LPAR6: variants seen among roughly 807,000 people sequenced by gnomAD.
The protein encoded by LPAR6 is lysophosphatidic acid receptor 6.
In LPAR6, 17 loss-of-function variants were observed where a neutral mutation model predicts 22.0. The ratio of observed to expected loss-of-function variants is 0.77; its 90% CI spans 0.53 to 1.16. The LOEUF (loss-of-function observed/expected upper bound fraction) is 1.16. LPAR6 is among the 50% of genes most tolerant of loss of function. The pLI is 0.00. For synonymous variants in LPAR6, 136 were observed against 139.8 expected (o/e 0.97, Z 0.19); for missense variants, 384 against 406.9 (o/e 0.94, Z 0.48).
intron 1 of LPAR6, among the ~76,000 whole-genome samples, chr13:48,405,550 G>T (rs75007355): frequency 1.3e-5 from 2 of 152,064 alleles, no homozygotes; most frequent in African/African-American, 4.8e-5. Flanking sequence ...TAACACAGCC[G>T]CTTTATTCAT....
intron 1 of LPAR6, among the ~76,000 whole-genome samples, chr13:48,404,599 T>G (rs951334095): frequency 6.6e-6 from 1 of 152,046 alleles, no homozygotes. Context: ...TGATCTCCGC[T>G]CACTGCAACC....
intron 1 of LPAR6, among the ~76,000 whole-genome samples, chr13:48,425,770 A>C (rs1044608477): frequency 6.6e-6 from 1 of 152,222 alleles, no homozygotes; most frequent in East Asian, 1.9e-4. Flanking sequence ...GTATTAAATT[A>C]GACCTATAGA....
intron 1 of LPAR6, among the ~76,000 whole-genome samples, chr13:48,400,940 G>A (rs1948686483): frequency 1.3e-5 from 2 of 151,984 alleles, no homozygotes. Context: ...CTTCTCTTGA[G>A]GCACCCCTCC....
chr13:48,392,635 A>G (rs1438731240), intron 1 of LPAR6, among the ~76,000 whole-genome samples: 1 of 151,710 alleles, frequency 6.6e-6, no homozygotes, highest in Non-Finnish European at 1.5e-5. Flanking sequence ...TATTATGTTT[A>G]TGCTTTTCTT....
At position 48,422,003 on chromosome 13, in the gene LPAR6, A is replaced by C. The variant is rs192687769; in HGVS notation, c.-954+647T>G. Among the ~76,000 whole-genome samples the C allele has an allele frequency of 7.9e-3, 1,197 of 152,322 alleles. 21 individuals carry two copies. Among genetic ancestry groups the C allele is most frequent in the Non-Finnish European group, 6.4e-3 (434 of 68,028 alleles). ...AACCAGAAATACCATTTGACCCAGC[A>C]AGCCCATTACTGGGTATATACCCAA... On this transcript the variant is annotated intron_variant, in intron 2 of 4. Coordinates refer to the LPAR6 transcript ENST00000345941.
chr13:48,431,782 A>G (rs1364910971), upstream of LPAR6, among the ~76,000 whole-genome samples: 1 of 152,210 alleles, frequency 6.6e-6, no homozygotes, highest in Non-Finnish European at 1.5e-5. Flanking sequence ...AACCTAACCG[A>G]AAAAGATTGC....
chr13:48,419,916 A>G lies in LPAR6; in HGVS notation c.-953-2596T>C, dbSNP rs967225263. Among the ~76,000 whole-genome samples the G allele has an allele frequency of 2.0e-5, 3 of 152,236 alleles. No homozygotes were observed. The South Asian group carries it at 6.2e-4, about 32-fold the overall frequency. ...AATTAATAGCGTACCAACCAAAAAAATCCCAGGAGCAGATGGATTCACAGC... is the reference window on the plus strand; with the variant it reads ...AATTAATAGCGTACCAACCAAAAAAGTCCCAGGAGCAGATGGATTCACAGC... On this transcript the variant is annotated intron_variant, in intron 2 of 4. Coordinates refer to the LPAR6 transcript ENST00000345941.
chr13:48,444,264 C>G (rs532448612), intron 1 of LPAR6, among the ~76,000 whole-genome samples: 1 of 152,164 alleles, frequency 6.6e-6, no homozygotes, highest in South Asian at 2.1e-4. Flanking sequence ...AGCCTGTAAT[C>G]CCAGCACTTT....
At chr13:48,436,021 A>C (rs1949179877) in intron 1 of LPAR6, among the ~76,000 whole-genome samples, 1 of 152,176 alleles carries the variant, frequency 6.6e-6, no homozygotes, top group Non-Finnish European at 1.5e-5. Context: ...ATCTATTGTA[A>C]ATATAAAGAC....
chr13:48,435,398 C>T lies in LPAR6; in HGVS notation c.-1474+9155G>A, dbSNP rs571405271. 5.3e-5 allele frequency among the ~76,000 whole-genome samples: 8 copies of T among 152,194 alleles called. No homozygotes were observed. In the East Asian group the frequency reaches 1.5e-3, roughly 29 times the overall value. The stretch of plus-strand genomic sequence containing the variant: ...TGAAATTTCTCTTCATGTCTTTGCT[C>T]ATTTTCTGATTGGATTGTTTGTTTT... On this transcript the variant is annotated intron_variant, in intron 1 of 6. Coordinates refer to the LPAR6 transcript ENST00000378434.
chr13:48,442,211 T>A (rs4151576), intron 1 of LPAR6, among the ~76,000 whole-genome samples: 4,006 of 152,204 alleles, frequency 0.026, 184 homozygotes, highest in African/African-American at 0.089. Flanking sequence ...ATTTTATTTT[T>A]TTTTTTTGAA....
chr13:48,416,309 T>A (rs910614015), upstream of LPAR6: 12 of 152,262 alleles, frequency 7.9e-5, no homozygotes, highest in African/African-American at 2.9e-4. Flanking sequence ...GGGCATCGCC[T>A]TACACGGGAA....
At chr13:48,432,823 G>A (rs428431) in intron 1 of LPAR6, among the ~76,000 whole-genome samples, 136,123 of 152,082 alleles carry the variant, frequency 0.9, 62,255 homozygotes, top group East Asian at 1. Context: ...TAAGGCTCTT[G>A]AAAAGCAATT....
chr13:48,414,140 G>C (rs1252411885), upstream of LPAR6, among the ~76,000 whole-genome samples: 1 of 152,070 alleles, frequency 6.6e-6, no homozygotes, highest in Non-Finnish European at 1.5e-5. Context: ...CTGAGATCAG[G>C]AGTTTGAGAG....
chr13:48,398,635 G>A (rs1035790909), intron 1 of LPAR6, among the ~76,000 whole-genome samples: 5 of 152,000 alleles, frequency 3.3e-5, no homozygotes, highest in African/African-American at 1.2e-4. Flanking sequence ...CACCCAGTTG[G>A]CATTTGAACT....
chr13:48,433,042 C>CT (rs1286420662), intron 1 of LPAR6, among the ~76,000 whole-genome samples: 1 of 152,012 alleles, frequency 6.6e-6, no homozygotes, highest in African/African-American at 2.4e-5. Context: ...TCTACTGTGT[C>CT]TTATAAACTC....
downstream of LPAR6, among the ~76,000 whole-genome samples, chr13:48,409,699 G>A (rs1205870526): frequency 6.8e-6 from 1 of 146,778 alleles, no homozygotes; most frequent in African/African-American, 2.5e-5. Context: ...TCCTGCCTCT[G>A]CCTCCCGAGT....
intron 1 of LPAR6, among the ~76,000 whole-genome samples, chr13:48,437,375 A>G (rs956967937): frequency 6.6e-5 from 10 of 152,206 alleles, no homozygotes; most frequent in African/African-American, 1.2e-4. Flanking sequence ...TATTTTCTTT[A>G]TAGTTAAAAA....
intron 2 of LPAR6, among the ~76,000 whole-genome samples, chr13:48,421,561 A>C (rs1949004998): frequency 6.6e-6 from 1 of 152,230 alleles, no homozygotes; most frequent in South Asian, 2.1e-4. Context: ...AAAAGAAACT[A>C]TCATCAGAGT....
Sources: allele counts gnomAD v4.1 joint callset (sites outside exome capture counted in the v4.1 genomes callset), GRCh38; gene constraint gnomAD v4.1.1; transcripts MANE v1.5; gene names NCBI Gene and HGNC (gene_info 2026-07-23, HGNC 2026-07-21).